Variants in EPHA3 observed in about 807,000 individuals in gnomAD.
EPHA3 encodes ephrin type-A receptor 3.
A neutral mutation model predicts 107.1 loss-of-function variants in EPHA3; 42 were observed. The observed-to-expected ratio is 0.39, with a 90% CI of 0.31 to 0.51. EPHA3 has a LOEUF of 0.51. Among genes scored for constraint, EPHA3 ranks in the 20% least tolerant of loss-of-function variants. The pLI is 0.78. For missense variants in EPHA3, 1,183 were observed against 1,211.2 expected (o/e 0.98, Z 0.35); for synonymous variants, 461 against 424.8 (o/e 1.09, Z -1.05).
chr3:89,301,234 A>G (rs1706480948), intron 3 of EPHA3, among the ~76,000 whole-genome samples: 1 of 152,112 alleles, frequency 6.6e-6, no homozygotes, highest in Non-Finnish European at 1.5e-5. Flanking sequence ...ATTTTCAAAA[A>G]TATTTTGAGT....
intron 16 of EPHA3, among the ~76,000 whole-genome samples, chr3:89,473,585 T>C (rs1231299725): frequency 1.3e-5 from 2 of 152,238 alleles, no homozygotes; most frequent in African/African-American, 2.4e-5. Flanking sequence ...TGGATTCCCA[T>C]GCGCATAGCT....
intron 3 of EPHA3, among the ~76,000 whole-genome samples, chr3:89,332,408 G>T (rs1286899433): frequency 6.6e-6 from 1 of 152,198 alleles, no homozygotes; most frequent in Non-Finnish European, 1.5e-5. Flanking sequence ...GATTGATTTT[G>T]CTGTGTTTAA....
In EPHA3 at chr3:89,186,438, A is replaced by C. The variant is rs144416037; in HGVS notation, c.154-23422A>C. The stretch of plus-strand genomic sequence containing the variant: ...TAGCTTTGTTAACCTTTTTTTCTTT[A>C]ATTCTTAAAAATTATTTCAAAGTCA... On this transcript the variant is annotated intron_variant, in intron 2 of 16. Coordinates refer to ENST00000336596, the MANE Select transcript of EPHA3 (RefSeq NM_005233.6). Among the ~76,000 whole-genome samples the C allele has an allele frequency of 1.0e-2, 1,513 of 152,050 alleles. 12 individuals are homozygous for C. The highest frequency in any genetic ancestry group is 0.028 in the East Asian group (143 of 5,172).
intron 3 of EPHA3, among the ~76,000 whole-genome samples, chr3:89,224,576 C>T (rs1164826018): frequency 2.6e-5 from 4 of 152,002 alleles, no homozygotes; most frequent in South Asian, 2.1e-4. Context: ...TGGTCAGACA[C>T]GGTGGCTCAT....
chr3:89,207,527 TAAAC>T (rs898261584), intron 2 of EPHA3, among the ~76,000 whole-genome samples: 3 of 152,132 alleles, frequency 2.0e-5, no homozygotes, highest in Non-Finnish European at 2.9e-5. Context: ...ATTCTTTTTT[TAAAC>T]AAACAAACAA....
chr3:89,449,831 C>A (rs1055507833), intron 14 of EPHA3, among the ~76,000 whole-genome samples: 2 of 152,116 alleles, frequency 1.3e-5, no homozygotes, highest in Non-Finnish European at 2.9e-5. Context: ...TGTCCATATT[C>A]ATTCATATAT....
At chr3:89,323,701 A>T (rs535652878) in intron 3 of EPHA3, among the ~76,000 whole-genome samples, 2 of 152,130 alleles carry the variant, frequency 1.3e-5, no homozygotes, top group East Asian at 3.9e-4. Flanking sequence ...AATAAGTACT[A>T]TATTCTAAGA....
chr3:89,260,546 T>C (rs1362934657), intron 3 of EPHA3, among the ~76,000 whole-genome samples: 1 of 152,212 alleles, frequency 6.6e-6, no homozygotes, highest in Non-Finnish European at 1.5e-5. Context: ...TTTTCTGCTA[T>C]TGAGTTGTAG....
At chr3:89,370,806 G>A (rs1331588903) in intron 5 of EPHA3, among the ~76,000 whole-genome samples, 1 of 151,542 alleles carries the variant, frequency 6.6e-6, no homozygotes. Context: ...GAAAGTATAG[G>A]AGAAACTAAA....
At chr3:89,182,086 T>G (rs1297302409) in intron 2 of EPHA3, among the ~76,000 whole-genome samples, 1 of 151,878 alleles carries the variant, frequency 6.6e-6, no homozygotes, top group African/African-American at 2.4e-5. Flanking sequence ...TAAATTTTCC[T>G]TTATTTTTCC....
chr3:89,115,934 T>G (rs527818299), intron 1 of EPHA3, among the ~76,000 whole-genome samples: 49 of 152,328 alleles, frequency 3.2e-4, no homozygotes, highest in African/African-American at 1.2e-3. Context: ...TGTACTAATT[T>G]GTCTTCTGAC....
Position 89,341,087 on chromosome 3 carries a change from G to A in EPHA3, c.970+16G>A, listed in dbSNP as rs2107417765. The A allele has an allele frequency of 1.2e-6, 2 of 1,609,690 alleles. No individual in the cohort carries two copies. The highest frequency in any genetic ancestry group is 8.5e-7 in the Non-Finnish European group (1 of 1,178,358). ...GCTTGTACCCGTGAGTAGTTTTGCT[G>A]CAACCCATGCCTCCATGTTTGTTTT... On this transcript the variant is annotated intron_variant, in intron 4 of 16. Transcript: ENST00000336596.
intron 2 of EPHA3, among the ~76,000 whole-genome samples, chr3:89,177,047 T>A (rs1241783732): frequency 2.0e-5 from 3 of 152,190 alleles, no homozygotes; most frequent in Non-Finnish European, 4.4e-5. Flanking sequence ...CTTACTTATA[T>A]GTAGCATAGC....
At chr3:89,137,443 A>T (rs1353843145) in intron 2 of EPHA3, among the ~76,000 whole-genome samples, 1 of 152,024 alleles carries the variant, frequency 6.6e-6, no homozygotes, top group Non-Finnish European at 1.5e-5. Context: ...TGAAAGATTA[A>T]AAAAAGAAAT....
chr3:89,197,073 T>G (rs1336624214), intron 2 of EPHA3, among the ~76,000 whole-genome samples: 1 of 152,164 alleles, frequency 6.6e-6, no homozygotes, highest in Non-Finnish European at 1.5e-5. Flanking sequence ...CACTCCTCTA[T>G]TCAAACCCTT....
intron 2 of EPHA3, among the ~76,000 whole-genome samples, chr3:89,170,408 C>T (rs556870094): frequency 5.3e-5 from 8 of 152,218 alleles, no homozygotes; most frequent in Admixed American, 5.2e-4. Context: ...TATTGGATTA[C>T]TTTGGACCCA....
At position 89,127,248 on chromosome 3, in the gene EPHA3, G is replaced by C. The variant is rs372273179; in HGVS notation, c.128G>C (p.Gly43Ala). 8.1e-6 allele frequency: 13 copies of C among 1,612,392 alleles called. No individual in the cohort carries two copies. Among genetic ancestry groups the C allele is most frequent in the Admixed American group, 3.3e-5 (2 of 59,968 alleles). Residue 43 changes from glycine to alanine, a missense_variant, in exon 2 of 17, where the codon GGC (glycine) becomes GCC (alanine). Physicochemically the swap from Gly to Ala is moderately conservative, Grantham distance 60 (BLOSUM62 0). Coordinates refer to ENST00000336596, the MANE Select transcript of EPHA3 (RefSeq NM_005233.6). ...TCAAAAACAATTCAAGGGGAGCTGG[G>C]CTGGATCTCTTATCCATCACATGGG... ...LDSKTIQGEL[G>A]WISYPSHGWE...
chr3:89,368,218 G>A (rs1428902398), intron 5 of EPHA3, among the ~76,000 whole-genome samples: 1 of 150,372 alleles, frequency 6.7e-6, no homozygotes, highest in African/African-American at 2.4e-5. Flanking sequence ...TATTTTAAGA[G>A]AAAACTGAGT....
intron 3 of EPHA3, among the ~76,000 whole-genome samples, chr3:89,242,817 A>G (rs1576259096): frequency 6.6e-6 from 1 of 151,776 alleles, no homozygotes; most frequent in South Asian, 2.1e-4. Flanking sequence ...GGTTAGTTAC[A>G]TATGTATACA....
Sources: gnomAD v4.1 joint callset for allele counts (sites outside exome capture counted in the v4.1 genomes callset) on GRCh38, gnomAD v4.1.1 for gene constraint, MANE v1.5 for transcripts, NCBI Gene and HGNC (gene_info 2026-07-23, HGNC 2026-07-21) for gene names.